Variants in PIEZO2 observed in about 807,000 individuals in gnomAD.
PIEZO2 encodes piezo type mechanosensitive ion channel component 2, also known as piezo-type mechanosensitive ion channel component 2.
In PIEZO2, 172 loss-of-function variants were observed where a neutral mutation model predicts 337.3. That is an observed-to-expected ratio of 0.51 (90% CI 0.45 to 0.58). The LOEUF is 0.58. Among genes scored for constraint, PIEZO2 ranks in the 20% least tolerant of loss-of-function variants. PIEZO2 has a pLI of 0.00. For synonymous variants in PIEZO2, 1,251 were observed against 1,228.5 expected (o/e 1.02, Z -0.38); for missense variants, 3,028 against 3,391.3 (o/e 0.89, Z 2.66).
rs78314742 is a variant in PIEZO2 at position 11,056,982 on chromosome 18, T to C, written c.160+9145A>G. Among the ~76,000 whole-genome samples, 129 of 152,342 alleles carry C rather than the reference T, an allele frequency of 8.5e-4. 4 individuals are homozygous for C. In the East Asian group the frequency reaches 0.021, roughly 25 times the overall value. ...TGAGTAACTAGGAATATTCTGTGCA[T>C]TGAATGAAGACTGAAGGGAGAGGAC... On this transcript the variant is annotated intron_variant, in intron 2 of 55. Transcript: ENST00000674853.
chr18:10,863,899 T>C lies in PIEZO2; in HGVS notation c.493-6688A>G, dbSNP rs1211932744. 6.6e-6 allele frequency among the ~76,000 whole-genome samples: 1 copy of C among 151,858 alleles called. No individual in the cohort carries two copies. The highest frequency in any genetic ancestry group is 2.4e-5 in the African/African-American group (1 of 41,232). ...ACACACACACACCTATATCATCCAC[T>C]CAGTTCACATTAGTTCCAGAGATTA... On this transcript the variant is annotated intron_variant, in intron 5 of 55. Transcript: ENST00000674853. This position sits in a 1 kb window ranked among gnomAD's most constrained non-coding sequence, Gnocchi z 4.3.
chr18:10,744,553 T>C (rs2037349742), intron 30 of PIEZO2, among the ~76,000 whole-genome samples: 1 of 152,154 alleles, frequency 6.6e-6, no homozygotes, highest in Admixed American at 6.5e-5. Flanking sequence ...AACGTTAGAC[T>C]TCAGTAAAGC....
chr18:11,118,340 AC>A (rs1331257584), intron 1 of PIEZO2, among the ~76,000 whole-genome samples: 8 of 151,774 alleles, frequency 5.3e-5, no homozygotes, highest in African/African-American at 1.9e-4. Context: ...CTTCTTTCAT[AC>A]TCATTTCCTT....
chr18:10,879,481 C>T (rs190651388), intron 4 of PIEZO2, among the ~76,000 whole-genome samples: 74 of 150,144 alleles, frequency 4.9e-4, no homozygotes, highest in African/African-American at 1.7e-3. Flanking sequence ...CTGCAAGCTC[C>T]GCCTCCCGGG....
intron 21 of PIEZO2, among the ~76,000 whole-genome samples, chr18:10,765,813 G>A (rs1193555084): frequency 6.6e-6 from 1 of 152,122 alleles, no homozygotes; most frequent in Non-Finnish European, 1.5e-5. Flanking sequence ...CAGAGACTGA[G>A]GAACATGCTG....
chr18:10,951,216 T>C (rs1258609980), intron 3 of PIEZO2, among the ~76,000 whole-genome samples: 2 of 152,114 alleles, frequency 1.3e-5, no homozygotes, highest in Non-Finnish European at 2.9e-5. Flanking sequence ...ACTTTACTAA[T>C]ACCAAAGAAC....
intron 2 of PIEZO2, among the ~76,000 whole-genome samples, chr18:10,992,085 T>G (rs1306911638): frequency 6.6e-6 from 1 of 152,216 alleles, no homozygotes; most frequent in Non-Finnish European, 1.5e-5. Flanking sequence ...TTGTTTGTTT[T>G]TTTCTTGTAA....
In PIEZO2 at chr18:10,824,469, AAT is replaced by A. The variant is rs1229378416; in HGVS notation, c.918-17197_918-17196del. On this transcript the variant is annotated intron_variant, in intron 7 of 55. Coordinates refer to ENST00000674853, the MANE Select transcript of PIEZO2 (RefSeq NM_001378183.1). This position sits in a 1 kb window ranked among gnomAD's most constrained non-coding sequence, Gnocchi z 4.4. ...AGGATATTTGTTGGCTATGAACAGT[AAT>A]AGTGCAAAGCTAATAAAATTTTAAA... Among the ~76,000 whole-genome samples, 18 of 152,330 alleles carry A rather than the reference AAT, an allele frequency of 1.2e-4. No individual in the cohort carries two copies. Among genetic ancestry groups the A allele is most frequent in the Non-Finnish European group, 2.4e-4 (16 of 68,030 alleles).
rs2038687508 is a variant in PIEZO2 at position 10,773,744 on chromosome 18, C to A, written c.2568-115G>T. The A allele has an allele frequency of 1.0e-6, 1 of 988,106 alleles. No individual in the cohort carries two copies. Among genetic ancestry groups the A allele is most frequent in the Admixed American group, 2.4e-5 (1 of 42,384 alleles). The allele number at this position is 988,106 out of a possible 1,614,324, so 61.2% of individuals were successfully genotyped here. On this transcript the variant is annotated intron_variant, in intron 19 of 55. Coordinates refer to ENST00000674853, the MANE Select transcript of PIEZO2 (RefSeq NM_001378183.1). The surrounding 1 kb of genome is among the most constrained non-coding windows in gnomAD (Gnocchi z 5.3). Reference sequence around the variant, plus strand: ...GAAATCAGTGCATGTACAAAGACCTCACAAGGTGGGGTGTTAGCGTTTTGT... The same window carrying A: ...GAAATCAGTGCATGTACAAAGACCTAACAAGGTGGGGTGTTAGCGTTTTGT...
rs189303735 is a variant in PIEZO2, at chr18:10,967,435, T to A, written c.286+12100A>T. Among the ~76,000 whole-genome samples, 414 of 152,300 alleles carry A rather than the reference T, an allele frequency of 2.7e-3. 3 individuals carry two copies. The highest frequency in any genetic ancestry group is 4.5e-3 in the Non-Finnish European group (309 of 68,032). On this transcript the variant is annotated intron_variant, in intron 3 of 55. Coordinates refer to ENST00000674853, the MANE Select transcript of PIEZO2 (RefSeq NM_001378183.1). ...TGTGTGTGCAAGCATTTTTTTCATA[T>A]AATGACTTCTTTTCCTCTAGGTAGG...
intron 1 of PIEZO2, among the ~76,000 whole-genome samples, chr18:11,100,885 G>A (rs1160264778): frequency 4.6e-5 from 7 of 152,264 alleles, no homozygotes; most frequent in Middle Eastern, 3.4e-3. Flanking sequence ...ATGAGCCACC[G>A]TGCCTGGCCC....
At position 10,705,648 on chromosome 18, in the gene PIEZO2, G is replaced by C. The variant is rs998116301; in HGVS notation, c.5687C>G (p.Ala1896Gly). The C allele has an allele frequency of 3.3e-6, 5 of 1,536,960 alleles. No homozygotes were observed. The South Asian group carries it at 5.9e-5, about 18-fold the overall frequency. The change falls in exon 41 of 56, where the codon GCG (alanine) becomes GGG (glycine). Residue 1896 changes from alanine to glycine, a missense_variant. By Grantham distance (60) the Ala-to-Gly change is moderately conservative. Transcript: ENST00000674853. ...AEQEEEAGST[A>G]PEPREAKEYE... ...CTCCTTGGCCTCCCTGGGCTCAGGCGCCGTGCTCCCTGCCTCCTCCTCCTG... is the reference window on the plus strand; with the variant it reads ...CTCCTTGGCCTCCCTGGGCTCAGGCCCCGTGCTCCCTGCCTCCTCCTCCTG...
At chr18:10,780,941 G>A (rs2038960276) in intron 17 of PIEZO2, among the ~76,000 whole-genome samples, 1 of 151,408 alleles carries the variant, frequency 6.6e-6, no homozygotes, top group Non-Finnish European at 1.5e-5. Flanking sequence ...GCGATTACAG[G>A]TGTGAGACAC....
rs2036572382 is a variant in PIEZO2, at chr18:10,727,031, T to C, written c.5029+4376A>G. 1 of 714,344 alleles carries C rather than the reference T, an allele frequency of 1.4e-6. No individual in the cohort carries two copies. The highest frequency in any genetic ancestry group is 2.4e-5 in the South Asian group (1 of 41,510). 44.3% of individuals were successfully genotyped at this position (714,344 alleles called of 1,614,324 possible). A position where few individuals can be genotyped will look rare whatever the true frequency, so the allele number is the denominator to read the frequency against. On this transcript the variant is annotated intron_variant, in intron 36 of 55. Coordinates refer to ENST00000674853, the MANE Select transcript of PIEZO2 (RefSeq NM_001378183.1). This position sits in a 1 kb window ranked among gnomAD's most constrained non-coding sequence, Gnocchi z 6.3. ...CTGTTTGCTCTGTGCTTCCACGGTC[T>C]GGGTGTTTCTTGGGGGGTGTTGGGA...
At chr18:11,135,323 C>T (rs1219146141) in intron 1 of PIEZO2, among the ~76,000 whole-genome samples, 1 of 152,148 alleles carries the variant, frequency 6.6e-6, no homozygotes, top group African/African-American at 2.4e-5. Flanking sequence ...GGTGAATAAA[C>T]ATCTTGGATG....
In PIEZO2 at chr18:10,922,379, C is replaced by T. The variant is rs150451644; in HGVS notation, c.287-11151G>A. 2.4e-3 allele frequency among the ~76,000 whole-genome samples: 368 copies of T among 151,956 alleles called. 6 individuals carry two copies. Among genetic ancestry groups the T allele is most frequent in the Admixed American group, 0.021 (324 of 15,246 alleles). ...TCTCTTTTTAAAAAAACAGAAAAAA[C>T]GGAGATGGAAAGGGATGAGAATGCA... On this transcript the variant is annotated intron_variant, in intron 3 of 55. Coordinates refer to ENST00000674853, the MANE Select transcript of PIEZO2 (RefSeq NM_001378183.1).
chr18:10,689,851 C>T lies in PIEZO2; in HGVS notation c.7350-49G>A, dbSNP rs752123502. 2.6e-6 allele frequency: 4 copies of T among 1,559,408 alleles called. No homozygotes were observed. The African/African-American group carries it at 4.1e-5, about 16-fold the overall frequency. Reference sequence around the variant, plus strand: ...GAGAGACATTCGTGGGTGGCCCCCACCACCCTGCTCACCCAGGAGCTCAAG... The same window carrying T: ...GAGAGACATTCGTGGGTGGCCCCCATCACCCTGCTCACCCAGGAGCTCAAG... On this transcript the variant is annotated intron_variant, in intron 48 of 55. Coordinates refer to ENST00000674853, the MANE Select transcript of PIEZO2 (RefSeq NM_001378183.1).
chr18:10,701,710 A>G (rs2035339302), intron 43 of PIEZO2, among the ~76,000 whole-genome samples: 1 of 152,244 alleles, frequency 6.6e-6, no homozygotes, highest in South Asian at 2.1e-4. Flanking sequence ...ACGATTACAC[A>G]TTTAACCTAG....
rs1191882458 is a variant in PIEZO2 at position 11,077,691 on chromosome 18, G to C, written c.65-11469C>G. The stretch of plus-strand genomic sequence containing the variant: ...CTTTATAGATTCATAGAGATTTCAA[G>C]TTTGGGAAGTTGTTGCTCCATTTTC... On this transcript the variant is annotated intron_variant, in intron 1 of 55. Coordinates refer to ENST00000674853, the MANE Select transcript of PIEZO2 (RefSeq NM_001378183.1). This position sits in a 1 kb window ranked among gnomAD's most constrained non-coding sequence, Gnocchi z 4.8. Among the ~76,000 whole-genome samples, 2 of 151,738 alleles carry C rather than the reference G, an allele frequency of 1.3e-5. No individual in the cohort carries two copies. Among genetic ancestry groups the C allele is most frequent in the African/African-American group, 4.9e-5 (2 of 41,204 alleles).
Sources: gnomAD v4.1 joint callset for allele counts (sites outside exome capture counted in the v4.1 genomes callset) on GRCh38, gnomAD v4.1.1 for gene constraint, Gnocchi (gnomAD v3.1) non-coding constraint, MANE v1.5 for transcripts, NCBI Gene and HGNC (gene_info 2026-07-23, HGNC 2026-07-21) for gene names.